The following CCDC158 variants were observed in gnomAD, a reference collection of about 807,000 sequenced individuals.
CCDC158 encodes coiled-coil domain containing 158.
In CCDC158, 116 loss-of-function variants were observed where a neutral mutation model predicts 138.6. That is an observed-to-expected ratio of 0.84 (90% confidence interval 0.72 to 0.98). The LOEUF is 0.98. CCDC158 is among the 50% of genes least tolerant of loss of function. CCDC158 has a pLI of 0.00. For synonymous variants in CCDC158, 436 were observed against 442.4 expected, an observed-to-expected ratio of 0.99 and a Z score of 0.18; for missense variants, 1,265 against 1,306.1, an observed-to-expected ratio of 0.97 and a Z score of 0.48.
At chr4:76,332,181 C>T (rs1721066948) in intron 20 of CCDC158, among the ~76,000 whole-genome samples, 1 of 151,886 alleles carries the variant, frequency 6.6e-6, no homozygotes, top group African/African-American at 2.4e-5. Context: ...ATATGGCATA[C>T]CATAATAATA....
intron 24 of CCDC158, among the ~76,000 whole-genome samples, chr4:76,316,470 G>A (rs951221518): frequency 3.3e-5 from 5 of 151,986 alleles, no homozygotes; most frequent in South Asian, 4.1e-4. Context: ...TATGTTAAAC[G>A]GCCAAACCAA....
chr4:76,418,831 A>T (rs1448132591), intron 1 of CCDC158, among the ~76,000 whole-genome samples: 1 of 152,194 alleles, frequency 6.6e-6, no homozygotes, highest in African/African-American at 2.4e-5. Context: ...TATCAAGGAA[A>T]GTGGGAAGTG....
At chr4:76,418,924 T>G (rs1729903427) in intron 1 of CCDC158, among the ~76,000 whole-genome samples, 1 of 152,176 alleles carries the variant, frequency 6.6e-6, no homozygotes. Context: ...CCAAAGTATC[T>G]TAATTCCAGA....
At chr4:76,343,971 C>T (rs1450574103) in intron 18 of CCDC158, among the ~76,000 whole-genome samples, 2 of 152,128 alleles carry the variant, frequency 1.3e-5, no homozygotes, top group African/African-American at 4.8e-5. Context: ...TCTCACCACT[C>T]CTATTCAACA....
At chr4:76,337,375 T>C (rs1336256026) in intron 18 of CCDC158, among the ~76,000 whole-genome samples, 2 of 152,244 alleles carry the variant, frequency 1.3e-5, no homozygotes, top group African/African-American at 2.4e-5. Flanking sequence ...AAATACTTCA[T>C]TGGTTAATTC....
In CCDC158 at chr4:76,381,378, G is replaced by A. The variant is rs188690709; in HGVS notation, c.914+1232C>T. ...GCCCTGCCTTGCATCAGTGTGCCCTGGAAGTGAGACATGGAGTCAAAGGAG... is the reference window on the plus strand; with the variant it reads ...GCCCTGCCTTGCATCAGTGTGCCCTAGAAGTGAGACATGGAGTCAAAGGAG... On this transcript the variant is annotated intron_variant, in intron 8 of 24. Transcript: ENST00000682701. 3.0e-3 allele frequency among the ~76,000 whole-genome samples: 462 copies of A among 152,350 alleles called. 2 individuals are homozygous for A. The highest frequency in any genetic ancestry group is 0.017 in the Middle Eastern group (5 of 294).
chr4:76,386,827 G>A (rs566049532), intron 4 of CCDC158, among the ~76,000 whole-genome samples: 9 of 152,288 alleles, frequency 5.9e-5, no homozygotes, highest in Non-Finnish European at 1.0e-4. Context: ...GTGCTGCCCC[G>A]TCAGAGGGGA....
chr4:76,398,362 G>C (rs1473284854), intron 3 of CCDC158, among the ~76,000 whole-genome samples: 1 of 152,084 alleles, frequency 6.6e-6, no homozygotes, highest in Non-Finnish European at 1.5e-5. Flanking sequence ...CCCTGGTGTA[G>C]GCTGTAAAAG....
rs749869173 is a variant in CCDC158 at position 76,367,276 on chromosome 4, CAA to C, written c.1830+16_1830+17del. The C allele has an allele frequency of 6.3e-7, 1 of 1,594,048 alleles. No individual in the cohort carries two copies. The highest frequency in any genetic ancestry group is 1.4e-5 in the African/African-American group (1 of 73,838). On this transcript the variant is annotated intron_variant, in intron 12 of 24. Coordinates refer to ENST00000682701, the MANE Select transcript of CCDC158 (RefSeq NM_001394954.1). Reference sequence around the variant, plus strand: ...AAATGATATTTCAGAAGTTAAATCACAAAAAAACTCTACAGACCTTAAGTTCC... The same window carrying C: ...AAATGATATTTCAGAAGTTAAATCACAAAAACTCTACAGACCTTAAGTTCC...
At chr4:76,413,439 C>T (rs1729450738) in intron 1 of CCDC158, among the ~76,000 whole-genome samples, 1 of 145,170 alleles carries the variant, frequency 6.9e-6, no homozygotes, top group Admixed American at 6.9e-5. Flanking sequence ...CACACCACTG[C>T]ACTCCAGCTT....
At chr4:76,416,848 T>A (rs1729739431) in intron 1 of CCDC158, among the ~76,000 whole-genome samples, 1 of 152,140 alleles carries the variant, frequency 6.6e-6, no homozygotes, top group African/African-American at 2.4e-5. Flanking sequence ...ATGGAGAACC[T>A]CTGCTAGCTC....
At position 76,396,357 on chromosome 4, in the gene CCDC158, A is replaced by G. The variant is rs1727780845; in HGVS notation, c.200T>C (p.Ile67Thr). The change falls in exon 4 of 25, where the codon ATC becomes ACC. Residue 67 changes from isoleucine (I) to threonine (T), a missense_variant. Transcript: ENST00000682701. ...GTGTTCCTTTCCAGGAGATGGGATG[A>G]TTTTTCTAGGAGAATCAAGTTCCAC... ...YEVELDSPRK[I>T]IPSPGKEHFE... 6.2e-7 allele frequency: 1 copy of G among 1,613,860 alleles called. No homozygotes were observed. Among genetic ancestry groups the G allele is most frequent in the Admixed American group, 1.7e-5 (1 of 60,010 alleles).
intron 21 of CCDC158, among the ~76,000 whole-genome samples, chr4:76,330,214 G>A (rs1720895598): frequency 6.6e-6 from 1 of 151,988 alleles, no homozygotes. Context: ...CATAAACACG[G>A]GCTCAGGAGC....
intron 7 of CCDC158, among the ~76,000 whole-genome samples, chr4:76,383,419 G>C (rs1043802777): frequency 1.1e-4 from 17 of 152,004 alleles, no homozygotes; most frequent in Non-Finnish European, 2.5e-4. Flanking sequence ...ATTGGGAGCT[G>C]AGCTTAATCT....
chr4:76,406,281 C>T (rs749180315), intron 2 of CCDC158, among the ~76,000 whole-genome samples: 103 of 152,184 alleles, frequency 6.8e-4, no homozygotes, highest in Non-Finnish European at 1.4e-3. Context: ...AGCCACATTG[C>T]ACAATAAAGA....
At chr4:76,333,936 A>G in intron 19 of CCDC158, 74 bp downstream of exon 19, 1 of 1,077,770 alleles carries the variant, frequency 9.3e-7, no homozygotes, top group Non-Finnish European at 1.3e-6. Flanking sequence ...CCTCCCAGAG[A>G]GTAACATGTG....
At chr4:76,395,517 A>G (rs1300196862) in intron 4 of CCDC158, among the ~76,000 whole-genome samples, 2 of 152,178 alleles carry the variant, frequency 1.3e-5, no homozygotes, top group East Asian at 1.9e-4. Flanking sequence ...AAGAAAATGC[A>G]TGGGCTGAGT....
chr4:76,384,234 C>A lies in CCDC158; in HGVS notation c.580G>T (p.Val194Phe), dbSNP rs762677364. 1.2e-6 allele frequency: 2 copies of A among 1,614,124 alleles called. No individual in the cohort carries two copies. The highest frequency in any genetic ancestry group is 1.7e-6 in the Non-Finnish European group (2 of 1,179,998). The change falls in exon 6 of 25, where the codon GTT becomes TTT. Residue 194 changes from valine to phenylalanine, a missense_variant. By Grantham distance (50) the Val-to-Phe change is conservative (BLOSUM62 -1). Coordinates refer to ENST00000682701, the MANE Select transcript of CCDC158 (RefSeq NM_001394954.1). ...GVLQEIRSIL[V>F]DFEEASGKKI... is the part of the protein sequence containing the mutation. ...TTGCCTGAGGCTTCTTCAAAGTCAA[C>A]TAGGATTGACCGGATTTCTTGAAGC...
At chr4:76,375,535 C>CA in intron 9 of CCDC158, 1 of 701,300 alleles carries the variant, frequency 1.4e-6, no homozygotes, top group Non-Finnish European at 2.6e-6. Flanking sequence ...TTTTTTAATA[C>CA]AAAATTCAGC....
Sources: gnomAD v4.1 joint callset for allele counts (sites outside exome capture counted in the v4.1 genomes callset) on GRCh38, gnomAD v4.1.1 for gene constraint, MANE v1.5 for transcripts, NCBI Gene and HGNC (gene_info 2026-07-23, HGNC 2026-07-21) for gene names.